Variants in ARHGAP42 observed in about 807,000 individuals in gnomAD.
ARHGAP42 encodes rho GTPase-activating protein 42.
ARHGAP42 carries 63 observed loss-of-function variants against 125.0 expected under a neutral mutation model. The observed-to-expected ratio is 0.50, with a 90% CI of 0.41 to 0.62. The LOEUF is 0.62. ARHGAP42 is among the 20% of genes least tolerant of loss of function. ARHGAP42 has a pLI of 0.00. For missense variants in ARHGAP42, 766 were observed against 1,024.2 expected (o/e 0.75, Z 3.44); for synonymous variants, 339 against 351.0 (o/e 0.97, Z 0.38).
At chr11:100,809,241 G>A (rs1864079900) in intron 3 of ARHGAP42, among the ~76,000 whole-genome samples, 1 of 151,984 alleles carries the variant, frequency 6.6e-6, no homozygotes, top group African/African-American at 2.4e-5. Flanking sequence ...TTTAAGACAA[G>A]ATGAAGAAGA....
intron 7 of ARHGAP42, among the ~76,000 whole-genome samples, chr11:100,935,661 C>CAG (rs1867716948): frequency 9.9e-6 from 1 of 101,098 alleles, no homozygotes; most frequent in Non-Finnish European, 2.0e-5. Context: ...GAAGGTCACA[C>CAG]ACACACACAC....
intron 6 of ARHGAP42, among the ~76,000 whole-genome samples, chr11:100,927,876 C>A: frequency 6.6e-6 from 1 of 152,162 alleles, no homozygotes; most frequent in Admixed American, 6.5e-5. Context: ...TTCTGTCCTC[C>A]CATTTTAAAA....
chr11:100,740,300 T>C (rs1195723783), intron 1 of ARHGAP42, among the ~76,000 whole-genome samples: 2 of 152,178 alleles, frequency 1.3e-5, no homozygotes, highest in Non-Finnish European at 2.9e-5. Context: ...TTTTTTTTCC[T>C]TTGGTGCACA....
At chr11:100,802,796 T>G (rs1591193087) in intron 3 of ARHGAP42, among the ~76,000 whole-genome samples, 1 of 152,242 alleles carries the variant, frequency 6.6e-6, no homozygotes, top group Non-Finnish European at 1.5e-5. Flanking sequence ...TTCCTCTTTG[T>G]GTGTCACTAC....
intron 4 of ARHGAP42, among the ~76,000 whole-genome samples, chr11:100,873,315 G>A (rs978319916): frequency 6.6e-6 from 1 of 152,078 alleles, no homozygotes; most frequent in Admixed American, 6.5e-5. Flanking sequence ...TCACAATTTA[G>A]CAAGTATATG....
chr11:100,840,404 C>A (rs1440604413), intron 3 of ARHGAP42, among the ~76,000 whole-genome samples: 1 of 152,108 alleles, frequency 6.6e-6, no homozygotes, highest in African/African-American at 2.4e-5. Flanking sequence ...TGTTCAAGAT[C>A]TATCACTTTT....
At chr11:100,768,201 G>T (rs1355020020) in intron 1 of ARHGAP42, among the ~76,000 whole-genome samples, 1 of 152,166 alleles carries the variant, frequency 6.6e-6, no homozygotes, top group Non-Finnish European at 1.5e-5. Flanking sequence ...CAGGTGTAAA[G>T]ACTATGTCAG....
chr11:100,985,271 G>A (rs190652533), intron 22 of ARHGAP42, among the ~76,000 whole-genome samples: 20 of 152,112 alleles, frequency 1.3e-4, no homozygotes, highest in African/African-American at 2.2e-4. Flanking sequence ...TTTCCTTATC[G>A]ATCTCTTTAT....
intron 3 of ARHGAP42, among the ~76,000 whole-genome samples, chr11:100,798,031 CTAGAAT>C (rs2135037673): frequency 6.6e-6 from 1 of 152,238 alleles, no homozygotes; most frequent in East Asian, 1.9e-4. Context: ...TTTAAGAGAA[CTAGAAT>C]TAGAAGTGGA....
At chr11:100,703,957 G>C (rs891521771) in intron 1 of ARHGAP42, among the ~76,000 whole-genome samples, 1 of 152,096 alleles carries the variant, frequency 6.6e-6, no homozygotes, top group Non-Finnish European at 1.5e-5. Context: ...CAGATGTTTT[G>C]TAAATGTAAT....
At chr11:100,895,356 T>C (rs1159335769) in intron 4 of ARHGAP42, among the ~76,000 whole-genome samples, 1 of 152,138 alleles carries the variant, frequency 6.6e-6, no homozygotes, top group Non-Finnish European at 1.5e-5. Context: ...TCAAAATCAT[T>C]GTCTCTGTCT....
At chr11:100,868,784 C>T (rs937893559) in intron 4 of ARHGAP42, among the ~76,000 whole-genome samples, 8 of 152,026 alleles carry the variant, frequency 5.3e-5, no homozygotes, top group Non-Finnish European at 7.4e-5. Context: ...ATTCTAGTTG[C>T]CTTATCTAAG....
At chr11:100,808,492 G>A (rs556196969) in intron 3 of ARHGAP42, among the ~76,000 whole-genome samples, 3 of 140,638 alleles carry the variant, frequency 2.1e-5, no homozygotes, top group Middle Eastern at 4.0e-3. Context: ...TGCAAGCTCC[G>A]CTTCCCGGGT....
intron 5 of ARHGAP42, among the ~76,000 whole-genome samples, chr11:100,920,384 C>T (rs1867204296): frequency 6.6e-6 from 1 of 152,082 alleles, no homozygotes; most frequent in East Asian, 1.9e-4. Flanking sequence ...AACTTAATTA[C>T]TAATAGAGTC....
chr11:100,992,752 C>A lies in ARHGAP42; in HGVS notation c.*3951C>A. The A allele has an allele frequency of 6.7e-7, 1 of 1,501,822 alleles. No individual in the cohort carries two copies. 93.0% of individuals were successfully genotyped at this position (1,501,822 alleles called of 1,614,324 possible). Reference sequence around the variant, plus strand: ...AATTGGATTTTTTATTTTTTGAGGGCAGCTGCCCTCACTGTTTTAAATAAA... The same window carrying A: ...AATTGGATTTTTTATTTTTTGAGGGAAGCTGCCCTCACTGTTTTAAATAAA... On this transcript the variant is annotated 3_prime_UTR_variant, in exon 24 of 24. Coordinates refer to ENST00000298815, the MANE Select transcript of ARHGAP42 (RefSeq NM_152432.4).
At chr11:100,911,534 C>T (rs1398518524) in intron 4 of ARHGAP42, among the ~76,000 whole-genome samples, 1 of 151,668 alleles carries the variant, frequency 6.6e-6, no homozygotes, top group African/African-American at 2.4e-5. Flanking sequence ...AGGGAATGAC[C>T]TAGAGAGAGA....
At chr11:100,756,588 A>G (rs1862582915) in intron 1 of ARHGAP42, among the ~76,000 whole-genome samples, 1 of 152,218 alleles carries the variant, frequency 6.6e-6, no homozygotes, top group Non-Finnish European at 1.5e-5. Flanking sequence ...ATGGTGACCC[A>G]ATCATAGGCC....
chr11:100,897,887 A>G (rs1866408115), intron 4 of ARHGAP42, among the ~76,000 whole-genome samples: 1 of 152,074 alleles, frequency 6.6e-6, no homozygotes, highest in Non-Finnish European at 1.5e-5. Context: ...GTTGAATAGG[A>G]GTGGTGAGAG....
At chr11:100,787,146 T>C (rs600372) in intron 2 of ARHGAP42, among the ~76,000 whole-genome samples, 76,044 of 151,468 alleles carry the variant, frequency 0.5, 19,907 homozygotes, top group South Asian at 0.63. Context: ...GGCATGGTGG[T>C]GGGCGCCTGT....
Sources: gnomAD v4.1 joint callset for allele counts (sites outside exome capture counted in the v4.1 genomes callset) on GRCh38, gnomAD v4.1.1 for gene constraint, MANE v1.5 for transcripts, NCBI Gene and HGNC (gene_info 2026-07-23, HGNC 2026-07-21) for gene names.